The following NLRP14 variants were observed in gnomAD, a reference collection of about 807,000 sequenced individuals.
The protein encoded by NLRP14 is NACHT, LRR and PYD domains-containing protein 14.
A neutral mutation model predicts 94.7 loss-of-function variants in NLRP14; 105 were observed. The observed-to-expected ratio is 1.11, with a 90% CI of 0.95 to 1.30. The LOEUF (loss-of-function observed/expected upper bound fraction) is 1.30. Ranked by LOEUF, NLRP14 falls within the 50% of genes most tolerant of loss-of-function variation. The pLI, the probability that NLRP14 is intolerant of heterozygous loss-of-function variation, is 0.00. For missense variants in NLRP14, 1,362 were observed against 1,254.1 expected (o/e 1.09, Z -1.30); for synonymous variants, 508 against 459.9 (o/e 1.10, Z -1.34).
chr11:7,070,258 T>G (rs1180451489), intron 10 of NLRP14, 28 bp from the exon 11 acceptor site: 1 of 1,565,706 alleles, frequency 6.4e-7, no homozygotes, highest in African/African-American at 1.3e-5. Context: ...ATAAATTCAT[T>G]TTTATCTTTT....
chr11:7,090,381 G>A, the NLRP14 span: 11 of 1,448,442 alleles, frequency 7.6e-6, no homozygotes, highest in East Asian at 2.5e-4. Flanking sequence ...ACTACCCAAG[G>A]ACTAGTACAA....
Position 7,043,559 on chromosome 11 carries a change from G to T in NLRP14, c.1533G>T (p.Leu511Phe), listed in dbSNP as rs11041151. The part of the protein sequence containing the change: ...GNPSCQPFED[L>F]KSLLQSTSYK... ...CTTCCTGCCAGCCTTTTGAAGATTT[G>T]AAGTCATTACTTCAAAGCACAAGTT... is the stretch of plus-strand genomic sequence containing the variant. The change falls in exon 4 of 12, where the codon TTG (leucine) becomes TTT (phenylalanine). Residue 511 changes from leucine (L) to phenylalanine (F), a missense_variant. Leu to Phe is a conservative substitution (Grantham distance 22). Transcript: ENST00000299481. The T allele has an allele frequency of 5.2e-4, 838 of 1,614,024 alleles. No individual in the cohort carries two copies. Among genetic ancestry groups the T allele is most frequent in the Non-Finnish European group, 6.9e-4 (817 of 1,180,030 alleles).
Position 7,043,565 on chromosome 11 carries a change from A to C in NLRP14, c.1539A>C (p.Ser513=). 1 of 1,614,212 alleles carries C rather than the reference A, an allele frequency of 6.2e-7. No homozygotes were observed. Among genetic ancestry groups the C allele is most frequent in the Non-Finnish European group, 8.5e-7 (1 of 1,180,038 alleles). Residue 513 remains serine (S), a synonymous_variant, in exon 4 of 12, where the codon TCA becomes TCC. Transcript: ENST00000299481. ...PSCQPFEDLK[S]LLQSTSYKDP... ...GCCAGCCTTTTGAAGATTTGAAGTC[A>C]TTACTTCAAAGCACAAGTTATAAAG...
At chr11:7,020,796 A>G (rs912810248) in intron 1 of NLRP14, 26 bp downstream of exon 1, 3 of 152,334 alleles carry the variant, frequency 2.0e-5, no homozygotes, top group Non-Finnish European at 2.9e-5. Context: ...ATTCCGTCCT[A>G]TTGTTGCCAG....
At chr11:7,052,878 G>A (rs902933252) in intron 6 of NLRP14, among the ~76,000 whole-genome samples, 14 of 152,268 alleles carry the variant, frequency 9.2e-5, no homozygotes, top group South Asian at 4.1e-4. Context: ...AGAATACACC[G>A]TTTAAAACCA....
At chr11:7,068,968 G>T (rs1020327469) in intron 10 of NLRP14, among the ~76,000 whole-genome samples, 1 of 152,092 alleles carries the variant, frequency 6.6e-6, no homozygotes, top group Non-Finnish European at 1.5e-5. Context: ...GCAGTATTCT[G>T]TATCAGTTAA....
At chr11:7,042,108 A>C (rs1366379195) in intron 3 of NLRP14, among the ~76,000 whole-genome samples, 1 of 152,006 alleles carries the variant, frequency 6.6e-6, no homozygotes, top group Non-Finnish European at 1.5e-5. Context: ...AAAGAAGAAA[A>C]AATATTTCTA....
the NLRP14 span, among the ~76,000 whole-genome samples, chr11:7,078,719 C>T: frequency 5.3e-5 from 8 of 151,516 alleles, no homozygotes; most frequent in Admixed American, 5.3e-4. Flanking sequence ...ACCCGGGAGG[C>T]AGAGGCTGCA....
chr11:7,061,012 C>T (rs565267977), intron 9 of NLRP14, among the ~76,000 whole-genome samples: 1 of 152,142 alleles, frequency 6.6e-6, no homozygotes, highest in East Asian at 1.9e-4. Flanking sequence ...CACTTTCCTA[C>T]CAGGGCCTCC....
the NLRP14 span, among the ~76,000 whole-genome samples, chr11:7,083,274 A>G: frequency 4.6e-5 from 7 of 152,316 alleles, no homozygotes; most frequent in African/African-American, 1.7e-4. Flanking sequence ...CATTTTAGGC[A>G]ACCAGTGTTT....
chr11:7,050,873 C>G (rs1271197184), intron 6 of NLRP14, among the ~76,000 whole-genome samples: 2 of 152,154 alleles, frequency 1.3e-5, no homozygotes, highest in South Asian at 2.1e-4. Context: ...ACCTACATAT[C>G]TAGTCTGAAA....
chr11:7,084,327 C>T, the NLRP14 span, among the ~76,000 whole-genome samples: 435 of 152,090 alleles, frequency 2.9e-3, no homozygotes, highest in Non-Finnish European at 5.2e-3. Flanking sequence ...GGTCTTAAAA[C>T]CTTTGGAACT....
chr11:7,072,491 C>T (rs138248420), downstream of NLRP14, among the ~76,000 whole-genome samples: 115 of 152,322 alleles, frequency 7.5e-4, no homozygotes, highest in African/African-American at 2.5e-3. Flanking sequence ...CTGAGAGATT[C>T]AAGTGTCTCT....
chr11:7,057,561 A>C (rs1852533912), intron 6 of NLRP14, 116 bp from the exon 7 acceptor site: 1 of 1,006,306 alleles, frequency 9.9e-7, no homozygotes, highest in Non-Finnish European at 1.6e-6. Flanking sequence ...GAGAAGTTGG[A>C]TTTTTCAGGC....
chr11:7,053,134 C>T (rs1003524644), intron 6 of NLRP14, among the ~76,000 whole-genome samples: 1 of 152,040 alleles, frequency 6.6e-6, no homozygotes. Flanking sequence ...ATATGAAGAA[C>T]AAATTGTGTG....
chr11:7,043,251 A>T lies in NLRP14; in HGVS notation c.1225A>T (p.Thr409Ser). The change falls in exon 4 of 12, where the codon ACA becomes TCA. Residue 409 changes from threonine to serine, a missense_variant. Coordinates refer to ENST00000299481, the MANE Select transcript of NLRP14 (RefSeq NM_176822.4). ...LFTCYISSLF[T>S]PVDGGSPSLP... ...TACCTGCTATATTTCTAGCTTGTTCACACCAGTAGATGGAGGCTCTCCTAG... is the reference window on the plus strand; with the variant it reads ...TACCTGCTATATTTCTAGCTTGTTCTCACCAGTAGATGGAGGCTCTCCTAG... The T allele has an allele frequency of 5.0e-6, 8 of 1,614,124 alleles. No individual in the cohort carries two copies. The highest frequency in any genetic ancestry group is 6.8e-6 in the Non-Finnish European group (8 of 1,179,990).
intron 10 of NLRP14, 77 bp downstream of exon 10, chr11:7,062,580 A>G: frequency 3.8e-6 from 5 of 1,327,378 alleles, no homozygotes; most frequent in Non-Finnish European, 5.4e-6. Context: ...TAGTGTATGG[A>G]GAGAGGATAA....
intron 5 of NLRP14, 31 bp downstream of exon 5, chr11:7,046,863 T>A: frequency 6.5e-7 from 1 of 1,541,526 alleles, no homozygotes. Context: ...TTTAATGGAG[T>A]TATTCTAATT....
At chr11:7,027,156 A>G (rs1195485761) in intron 1 of NLRP14, among the ~76,000 whole-genome samples, 3 of 149,534 alleles carry the variant, frequency 2.0e-5, no homozygotes, top group Admixed American at 6.7e-5. Flanking sequence ...TTCAATGTCA[A>G]TTTTTCCCTC....
Sources: gnomAD v4.1 joint callset for allele counts (sites outside exome capture counted in the v4.1 genomes callset) on GRCh38, gnomAD v4.1.1 for gene constraint, MANE v1.5 for transcripts, NCBI Gene and HGNC (gene_info 2026-07-23, HGNC 2026-07-21) for gene names.